The following PDE4DIP variants were observed in gnomAD, a reference collection of about 807,000 sequenced individuals.
The protein encoded by PDE4DIP is phosphodiesterase 4D interacting protein.
PDE4DIP carries 59 observed loss-of-function variants against 221.4 expected under a neutral mutation model. The ratio of observed to expected loss-of-function variants is 0.27; its 90% CI spans 0.22 to 0.33. PDE4DIP has a LOEUF of 0.33. PDE4DIP is among the 10% of genes least tolerant of loss of function. PDE4DIP has a pLI of 1.00. For synonymous variants in PDE4DIP, 404 were observed against 815.9 expected (o/e 0.50, Z 8.60); for missense variants, 1,036 against 2,154.2 (o/e 0.48, Z 10.28).
At chr1:148,922,749 G>A (rs1378612309) in intron 1 of PDE4DIP, among the ~76,000 whole-genome samples, 5 of 149,776 alleles carry the variant, frequency 3.3e-5, no homozygotes, top group Admixed American at 3.3e-4. Context: ...CACCACACCC[G>A]GCTAATTTTT....
intron 2 of PDE4DIP, chr1:148,930,528 A>G (rs2047707939): frequency 6.6e-6 from 1 of 151,864 alleles, no homozygotes; most frequent in Admixed American, 6.6e-5. Flanking sequence ...AAAAAAAAAA[A>G]TCAGTAGCAT....
At chr1:148,820,555 CAA>C (rs148261220) in intron 1 of PDE4DIP, among the ~76,000 whole-genome samples, 56 of 39,286 alleles carry the variant, frequency 1.4e-3, no homozygotes, top group African/African-American at 4.6e-3. Context: ...AACTCCATCT[CAA>C]AAAAAAAAAA....
chr1:149,013,928 C>T (rs587717135), intron 32 of PDE4DIP, among the ~76,000 whole-genome samples: 7 of 151,928 alleles, frequency 4.6e-5, no homozygotes, highest in Admixed American at 3.9e-4. Context: ...GCTGGGATTA[C>T]AGGTGTGTGT....
intron 1 of PDE4DIP, among the ~76,000 whole-genome samples, chr1:148,824,257 C>T (rs1399356905): frequency 6.7e-6 from 1 of 148,184 alleles, no homozygotes; most frequent in Non-Finnish European, 1.5e-5. Flanking sequence ...GCTGAAAGGT[C>T]CGTTTTCAGA....
intron 38 of PDE4DIP, chr1:149,025,859 A>G (rs1158803571): frequency 2.0e-5 from 3 of 151,822 alleles, no homozygotes; most frequent in Admixed American, 6.6e-5. Context: ...TGGCAATTCA[A>G]TAAAAAAACA....
intron 23 of PDE4DIP, among the ~76,000 whole-genome samples, chr1:149,000,895 TTTG>T (rs1436439526): frequency 6.6e-6 from 1 of 151,402 alleles, no homozygotes; most frequent in Non-Finnish European, 1.5e-5. Context: ...CTAGTATGAG[TTTG>T]TTGTTGTGGA....
chr1:148,920,045 T>C (rs2045169167), intron 1 of PDE4DIP, among the ~76,000 whole-genome samples: 1 of 147,874 alleles, frequency 6.8e-6, no homozygotes, highest in Admixed American at 6.7e-5. Flanking sequence ...CAATCTTTAA[T>C]CTCCAATACT....
At chr1:148,930,041 C>G (rs1222220855) in intron 2 of PDE4DIP, 3 of 151,246 alleles carry the variant, frequency 2.0e-5, no homozygotes, top group African/African-American at 7.3e-5. Context: ...AGATCACAGT[C>G]CGTGATAGGG....
chr1:148,820,718 G>A (rs868962844), intron 1 of PDE4DIP, among the ~76,000 whole-genome samples: 36 of 148,912 alleles, frequency 2.4e-4, no homozygotes, highest in Non-Finnish European at 3.9e-4. Flanking sequence ...TTTTTTTGGG[G>A]GGGGGGTGGC....
chr1:148,975,746 G>A (rs587768812), intron 17 of PDE4DIP, among the ~76,000 whole-genome samples: 24 of 152,042 alleles, frequency 1.6e-4, no homozygotes, highest in African/African-American at 3.4e-4. Flanking sequence ...CTAAAAGCTT[G>A]TTTGTTACTA....
At chr1:148,936,687 G>C (rs587717381) in intron 4 of PDE4DIP, among the ~76,000 whole-genome samples, 17 of 151,720 alleles carry the variant, frequency 1.1e-4, no homozygotes, top group African/African-American at 3.6e-4. Context: ...TTCTAGAAAA[G>C]GTTTATTCTG....
intron 21 of PDE4DIP, chr1:148,982,737 A>G (rs1395209457): frequency 1.3e-5 from 2 of 152,224 alleles, no homozygotes; most frequent in Non-Finnish European, 2.9e-5. Context: ...TTTCTAGCAC[A>G]GTAAATGTGA....
chr1:148,870,671 GTCATTGCCGGTAAA>G (rs1688967575), intron 3 of PDE4DIP: 1 of 231,392 alleles, frequency 4.3e-6, no homozygotes, highest in South Asian at 1.3e-4. Context: ...TGATCAGAAA[GTCATTGCCGGTAAA>G]TCATGCAGTG....
chr1:148,929,363 C>T lies in PDE4DIP; in HGVS notation c.218+90C>T, dbSNP rs1211186248. The T allele has an allele frequency of 2.3e-5, 33 of 1,438,440 alleles. No homozygotes were observed. In the Middle Eastern group the frequency reaches 5.4e-4, roughly 23 times the overall value. 89.1% of individuals were successfully genotyped at this position (1,438,440 alleles called of 1,614,324 possible). On this transcript the variant is annotated intron_variant, in intron 2 of 43. Coordinates refer to ENST00000369354, the Ensembl canonical transcript of PDE4DIP. ...TTTGGAACCAAATTCCTTAACCTAT[C>T]TGTGGCATTTGAATCCTGTATCTGA... is the stretch of plus-strand genomic sequence containing the variant.
chr1:148,914,897 G>T (rs1778641), intron 1 of PDE4DIP, among the ~76,000 whole-genome samples: 1,217 of 93,822 alleles, frequency 0.013, no homozygotes, highest in African/African-American at 0.045. Context: ...TATGCCAACA[G>T]AATTTTCCAT....
chr1:148,990,280 T>C, intron 21 of PDE4DIP: 1 of 983,908 alleles, frequency 1.0e-6, no homozygotes, highest in East Asian at 1.1e-4. Flanking sequence ...AAGAAGACTG[T>C]GAGCTAGCTT....
chr1:148,983,195 G>A (rs2061389427), intron 21 of PDE4DIP: 1 of 152,054 alleles, frequency 6.6e-6, no homozygotes, highest in African/African-American at 2.4e-5. Context: ...TGGAGCCGTA[G>A]AAATGTCAAC....
intron 5 of PDE4DIP, among the ~76,000 whole-genome samples, chr1:148,951,323 G>A (rs1423034273): frequency 6.7e-6 from 1 of 149,646 alleles, no homozygotes; most frequent in Non-Finnish European, 1.5e-5. Flanking sequence ...AAGCCAGGAA[G>A]ATAATTCCTT....
intron 12 of PDE4DIP, among the ~76,000 whole-genome samples, chr1:148,967,511 A>G (rs587717461): frequency 4.1e-4 from 62 of 152,046 alleles, no homozygotes; most frequent in African/African-American, 1.4e-3. Context: ...ACTTCCTTTT[A>G]TCATATATTC....
Sources: allele counts gnomAD v4.1 joint callset (sites outside exome capture counted in the v4.1 genomes callset), GRCh38; gene constraint gnomAD v4.1.1; transcripts MANE v1.5; gene names NCBI Gene and HGNC (gene_info 2026-07-23, HGNC 2026-07-21).